Variants in SLC9B1 observed in about 807,000 individuals in gnomAD.
SLC9B1 encodes sodium/hydrogen exchanger 9B1.
In SLC9B1, 32 loss-of-function variants were observed where a neutral mutation model predicts 51.7. The ratio of observed to expected loss-of-function variants is 0.62; its 90% confidence interval spans 0.47 to 0.83. SLC9B1 has a LOEUF of 0.83. Among genes scored for constraint, SLC9B1 ranks in the 40% least tolerant of loss-of-function variants. The pLI, the probability that SLC9B1 is intolerant of heterozygous loss-of-function variation, is 0.00. For missense variants in SLC9B1, 406 were observed against 613.2 expected (o/e 0.66, Z 3.57); for synonymous variants, 145 against 212.7 (o/e 0.68, Z 2.77).
chr4:102,928,088 CT>C (rs1736278850), intron 7 of SLC9B1, among the ~76,000 whole-genome samples: 1 of 145,768 alleles, frequency 6.9e-6, no homozygotes, highest in African/African-American at 2.6e-5. Context: ...GGGTGGAGGG[CT>C]GGGGGAGGGA....
In SLC9B1 at chr4:102,945,210, T is replaced by C; in HGVS notation, c.636A>G (p.Gln212=). 6.2e-7 allele frequency: 1 copy of C among 1,607,648 alleles called. No homozygotes were observed. Among genetic ancestry groups the C allele is most frequent in the African/African-American group, 1.3e-5 (1 of 74,938 alleles). ...FSHFIMKFPW[Q]WAFLLGFVLG... ...GAAATTACCCTAATAGAAATGCCCA[T>C]TGCCAGGGAAATTTCATAATGAAGT... Residue 212 remains glutamine (Q), a synonymous_variant, in exon 6 of 12, where the codon CAA becomes CAG. Coordinates refer to ENST00000296422, the MANE Select transcript of SLC9B1 (RefSeq NM_139173.4).
At chr4:102,921,891 GA>G (rs1240361131) in intron 7 of SLC9B1, among the ~76,000 whole-genome samples, 2 of 152,098 alleles carry the variant, frequency 1.3e-5, no homozygotes, top group African/African-American at 2.4e-5. Context: ...CCCAATACAA[GA>G]GCACCCAGAT....
At chr4:102,963,794 T>G (rs1257861424) in intron 3 of SLC9B1, among the ~76,000 whole-genome samples, 1 of 152,194 alleles carries the variant, frequency 6.6e-6, no homozygotes, top group African/African-American at 2.4e-5. Context: ...TAACATTATT[T>G]ACAGGATGCA....
intron 6 of SLC9B1, among the ~76,000 whole-genome samples, chr4:102,937,292 G>A (rs1243157119): frequency 4.0e-5 from 6 of 151,280 alleles, no homozygotes; most frequent in South Asian, 2.1e-4. Context: ...TAGTAGAGAC[G>A]GGATTTCACC....
At chr4:102,945,131 A>G in intron 6 of SLC9B1, 62 bp downstream of exon 6, 1 of 1,418,558 alleles carries the variant, frequency 7.0e-7, no homozygotes, top group Non-Finnish European at 9.4e-7. Context: ...GAATATTTTA[A>G]CAGTTTTAAT....
intron 1 of SLC9B1, among the ~76,000 whole-genome samples, chr4:102,997,349 T>C (rs1740278942): frequency 6.6e-6 from 1 of 152,216 alleles, no homozygotes; most frequent in Admixed American, 6.5e-5. Flanking sequence ...ATTTTCTTGA[T>C]CTTAATAATT....
At chr4:102,962,642 G>A in intron 3 of SLC9B1, 1 of 471,608 alleles carries the variant, frequency 2.1e-6, no homozygotes, top group South Asian at 1.6e-5. Flanking sequence ...TTATGTAATT[G>A]GGAGCTGCAT....
chr4:102,999,352 A>G (rs1244038583), intron 1 of SLC9B1, among the ~76,000 whole-genome samples: 1 of 152,224 alleles, frequency 6.6e-6, no homozygotes, highest in Non-Finnish European at 1.5e-5. Flanking sequence ...TTGGCATCAT[A>G]GCCGAGAAGT....
intron 6 of SLC9B1, among the ~76,000 whole-genome samples, chr4:102,943,752 G>A (rs1234442610): frequency 2.0e-5 from 3 of 152,164 alleles, no homozygotes; most frequent in Non-Finnish European, 4.4e-5. Context: ...GGGAAGAGTA[G>A]GAGGAGGGTG....
rs1464887574 is a variant in SLC9B1, at chr4:102,901,338, T to G, written c.1333-6A>C. On this transcript the variant is annotated splice_region_variant and splice_polypyrimidine_tract_variant and intron_variant, in intron 11 of 11. Coordinates refer to ENST00000296422, the MANE Select transcript of SLC9B1 (RefSeq NM_139173.4). ...GCCAGAGGACCTAACACAGCCTGCA[T>G]TTAGGGGTAAAAATGGGGCATAAAG... 7 of 1,611,578 alleles carry G rather than the reference T, an allele frequency of 4.3e-6. No individual in the cohort carries two copies. In the South Asian group the frequency reaches 7.7e-5, roughly 18 times the overall value.
chr4:102,902,377 G>C (rs933534266), intron 11 of SLC9B1, among the ~76,000 whole-genome samples: 14 of 152,058 alleles, frequency 9.2e-5, no homozygotes, highest in Admixed American at 4.6e-4. Context: ...ATTTAAAATG[G>C]TATCATTTTT....
At chr4:102,956,005 T>C (rs1737793792) in intron 3 of SLC9B1, among the ~76,000 whole-genome samples, 1 of 152,144 alleles carries the variant, frequency 6.6e-6, no homozygotes, top group African/African-American at 2.4e-5. Context: ...ATACAAACAA[T>C]ATGGTTTACT....
chr4:103,009,054 T>G (rs1354144572), intron 1 of SLC9B1, among the ~76,000 whole-genome samples: 2 of 152,156 alleles, frequency 1.3e-5, no homozygotes, highest in Admixed American at 6.5e-5. Flanking sequence ...CACCTTGGCC[T>G]CCCAAAGTAC....
rs1736328653 is a variant in SLC9B1 at position 102,929,150 on chromosome 4, CACTT to C, written c.829+2970_829+2973del. ...GGATCCTTCAATCCAATCAAGTTGA[CACTT>C]ACTTAATATTAATCTTCACAATGTA... On this transcript the variant is annotated intron_variant, in intron 7 of 11. Transcript: ENST00000296422. Among the ~76,000 whole-genome samples the C allele has an allele frequency of 2.0e-5, 3 of 152,202 alleles. No individual in the cohort carries two copies. The South Asian group carries it at 6.2e-4, about 32-fold the overall frequency.
chr4:102,971,469 T>C (rs1738757158), intron 3 of SLC9B1, among the ~76,000 whole-genome samples: 1 of 151,996 alleles, frequency 6.6e-6, no homozygotes, highest in Non-Finnish European at 1.5e-5. Flanking sequence ...TATCAGAATC[T>C]CTGGGACATA....
At chr4:102,943,506 T>TATACACACACAC (rs1553982064) in intron 6 of SLC9B1, among the ~76,000 whole-genome samples, 6 of 145,484 alleles carry the variant, frequency 4.1e-5, no homozygotes, top group South Asian at 2.2e-4. Context: ...TGTGTATGTA[T>TATACACACACAC]ACACACACAC....
chr4:103,014,279 G>A (rs1741214308), intron 1 of SLC9B1, among the ~76,000 whole-genome samples: 2 of 152,070 alleles, frequency 1.3e-5, no homozygotes, highest in Admixed American at 6.6e-5. Context: ...TCCAGCTAAC[G>A]CTTCATCAAT....
Position 102,900,990 on chromosome 4 carries a change from A to G in SLC9B1, c.*127T>C, listed in dbSNP as rs1466287146. On this transcript the variant is annotated 3_prime_UTR_variant, in exon 12 of 12. Transcript: ENST00000296422. ...GTAAAAAGTCCAAGAAAAGCCCTGT[A>G]CTGAAATCACATGTTTACTAAATCC... The G allele has an allele frequency of 1.9e-5, 29 of 1,499,820 alleles. No individual in the cohort carries two copies. In the African/African-American group the frequency reaches 2.8e-4, roughly 15 times the overall value. The allele number at this position is 1,499,820 out of a possible 1,614,324, so 92.9% of individuals were successfully genotyped here.
chr4:102,961,097 T>C, intron 3 of SLC9B1, among the ~76,000 whole-genome samples: 1 of 152,208 alleles, frequency 6.6e-6, no homozygotes, highest in East Asian at 1.9e-4. Flanking sequence ...ATAAATTATA[T>C]CAAATATGCT....
Sources: gnomAD v4.1 joint callset for allele counts (sites outside exome capture counted in the v4.1 genomes callset) on GRCh38, gnomAD v4.1.1 for gene constraint, MANE v1.5 for transcripts, NCBI Gene and HGNC (gene_info 2026-07-23, HGNC 2026-07-21) for gene names.